Variants in CCDC148 observed in about 807,000 individuals in gnomAD.
CCDC148 encodes coiled-coil domain-containing protein 148.
A neutral mutation model predicts 85.7 loss-of-function variants in CCDC148; 89 were observed. That is an observed-to-expected ratio of 1.04 (90% CI 0.87 to 1.24). The LOEUF is 1.24. Ranked by LOEUF, CCDC148 falls within the 50% of genes most tolerant of loss-of-function variation. The pLI is 0.00. For missense variants in CCDC148, 692 were observed against 671.7 expected, an observed-to-expected ratio of 1.03 and a Z score of -0.33; for synonymous variants, 230 against 213.9, an observed-to-expected ratio of 1.08 and a Z score of -0.66.
intron 10 of CCDC148, among the ~76,000 whole-genome samples, chr2:158,222,401 T>C (rs1013144770): frequency 6.6e-6 from 1 of 152,152 alleles, no homozygotes; most frequent in Admixed American, 6.5e-5. Context: ...GTTATTTCCA[T>C]CTTTGACTCT....
chr2:158,348,960 T>G (rs1458583149), intron 2 of CCDC148, among the ~76,000 whole-genome samples: 1 of 152,052 alleles, frequency 6.6e-6, no homozygotes, highest in African/African-American at 2.4e-5. Flanking sequence ...GTACCAAAAT[T>G]GGTCTCAGTT....
intron 7 of CCDC148, among the ~76,000 whole-genome samples, chr2:158,330,745 T>C (rs935520266): frequency 1.3e-5 from 2 of 152,194 alleles, no homozygotes; most frequent in African/African-American, 4.8e-5. Context: ...TGGGAGGGTG[T>C]ATGTGTTAAT....
At chr2:158,270,814 C>T (rs1237225427) in intron 9 of CCDC148, among the ~76,000 whole-genome samples, 1 of 152,076 alleles carries the variant, frequency 6.6e-6, no homozygotes, top group East Asian at 1.9e-4. Flanking sequence ...AGTACTTTTC[C>T]AATTATAGAA....
chr2:158,406,758 A>G (rs2253903), intron 1 of CCDC148, among the ~76,000 whole-genome samples: 133,725 of 151,196 alleles, frequency 0.88, 59,961 homozygotes, highest in Non-Finnish European at 0.96. Flanking sequence ...AAGTAGCTGG[A>G]GCTAGAGGCA....
chr2:158,284,748 G>A (rs1307293966), intron 9 of CCDC148, among the ~76,000 whole-genome samples: 1 of 152,152 alleles, frequency 6.6e-6, no homozygotes, highest in African/African-American at 2.4e-5. Context: ...TTAATTCAAT[G>A]TCTAGTAAAT....
chr2:158,385,697 G>A (rs1396982978), intron 1 of CCDC148, among the ~76,000 whole-genome samples: 3 of 152,074 alleles, frequency 2.0e-5, no homozygotes, highest in African/African-American at 7.2e-5. Context: ...AAGCTTCTGT[G>A]GCATGTCATG....
chr2:158,381,681 T>G (rs1684873981), intron 1 of CCDC148, among the ~76,000 whole-genome samples: 1 of 152,094 alleles, frequency 6.6e-6, no homozygotes, highest in Non-Finnish European at 1.5e-5. Context: ...TAACACATGT[T>G]AGAAATGACC....
intron 10 of CCDC148, among the ~76,000 whole-genome samples, chr2:158,236,612 A>C (rs1355071873): frequency 1.3e-5 from 2 of 152,138 alleles, no homozygotes; most frequent in Admixed American, 6.6e-5. Context: ...CTTAGAACCA[A>C]GGTGATTTTT....
chr2:158,356,559 A>T (rs1683648462), intron 2 of CCDC148, among the ~76,000 whole-genome samples: 1 of 152,170 alleles, frequency 6.6e-6, no homozygotes, highest in Admixed American at 6.5e-5. Flanking sequence ...TAGAATGGTG[A>T]TCATTAAAAA....
At chr2:158,210,555 G>A (rs1211054356) in intron 11 of CCDC148, among the ~76,000 whole-genome samples, 1 of 151,998 alleles carries the variant, frequency 6.6e-6, no homozygotes, top group Non-Finnish European at 1.5e-5. Flanking sequence ...TGACTACAGA[G>A]CTGGAAGTAA....
chr2:158,277,908 T>C (rs1200039593), intron 9 of CCDC148, among the ~76,000 whole-genome samples: 1 of 152,082 alleles, frequency 6.6e-6, no homozygotes, highest in Non-Finnish European at 1.5e-5. Context: ...AAACTGAGGC[T>C]TAGAGGGGTT....
intron 9 of CCDC148, among the ~76,000 whole-genome samples, chr2:158,270,883 T>C (rs1289444461): frequency 1.3e-5 from 2 of 152,148 alleles, no homozygotes; most frequent in East Asian, 3.9e-4. Context: ...AGAAGCCACA[T>C]ATGTGCACCC....
chr2:158,285,346 G>T (rs1008072347), intron 9 of CCDC148, among the ~76,000 whole-genome samples: 1 of 148,818 alleles, frequency 6.7e-6, no homozygotes, highest in South Asian at 2.1e-4. Context: ...AATAGCTAAA[G>T]AATTGATAAT....
At chr2:158,437,271 T>A (rs1018028070) in intron 1 of CCDC148, among the ~76,000 whole-genome samples, 2 of 152,186 alleles carry the variant, frequency 1.3e-5, no homozygotes, top group African/African-American at 4.8e-5. Context: ...TCAAAAAGCT[T>A]ATCCACCATG....
intron 2 of CCDC148, among the ~76,000 whole-genome samples, chr2:158,358,188 C>A (rs1220228309): frequency 1.3e-5 from 2 of 152,112 alleles, no homozygotes; most frequent in African/African-American, 4.8e-5. Flanking sequence ...AATAAAATAA[C>A]TGTCTTTAAA....
chr2:158,429,210 C>T (rs1687217960), intron 1 of CCDC148, among the ~76,000 whole-genome samples: 1 of 152,088 alleles, frequency 6.6e-6, no homozygotes, highest in Admixed American at 6.5e-5. Flanking sequence ...GGGTGCAGCA[C>T]ACCAACATGG....
intron 1 of CCDC148, among the ~76,000 whole-genome samples, chr2:158,438,438 C>T (rs578245796): frequency 6.6e-6 from 1 of 152,316 alleles, no homozygotes; most frequent in East Asian, 1.9e-4. Context: ...AAAGCTGAAA[C>T]TGGATCCCTT....
In CCDC148 at chr2:158,273,698, T is replaced by C. The variant is rs567007187; in HGVS notation, c.1111-22786A>G. Reference sequence around the variant, plus strand: ...AGTGATTCTGGGTTCCTTACAGAAATGAATCATGCTTATTACTTGCTGATT... The same window carrying C: ...AGTGATTCTGGGTTCCTTACAGAAACGAATCATGCTTATTACTTGCTGATT... On this transcript the variant is annotated intron_variant, in intron 9 of 13. Transcript: ENST00000283233. Among the ~76,000 whole-genome samples, 196 of 152,278 alleles carry C rather than the reference T, an allele frequency of 1.3e-3. 1 individual carries two copies. Among genetic ancestry groups the C allele is most frequent in the Non-Finnish European group, 2.2e-3 (148 of 68,010 alleles).
chr2:158,365,892 T>C, intron 1 of CCDC148: 1 of 661,962 alleles, frequency 1.5e-6, no homozygotes, highest in Non-Finnish European at 2.5e-6. Flanking sequence ...TCATTCAATG[T>C]AACCAGAAAG....
Sources: gnomAD v4.1 joint callset for allele counts (sites outside exome capture counted in the v4.1 genomes callset) on GRCh38, gnomAD v4.1.1 for gene constraint, MANE v1.5 for transcripts, NCBI Gene and HGNC (gene_info 2026-07-23, HGNC 2026-07-21) for gene names.